The following RAB33A variants were observed in gnomAD, a reference collection of about 807,000 sequenced individuals.
The protein encoded by RAB33A is ras-related protein Rab-33A.
A neutral mutation model predicts 12.0 loss-of-function variants in RAB33A; 6 were observed. The ratio of observed to expected loss-of-function variants is 0.50; its 90% CI spans 0.27 to 0.99. RAB33A has a LOEUF of 0.99. Among genes scored for constraint, RAB33A ranks in the 50% least tolerant of loss-of-function variants. The pLI is 0.11. For missense variants in RAB33A, 109 were observed against 192.0 expected (o/e 0.57, Z 2.55); for synonymous variants, 70 against 82.4 (o/e 0.85, Z 0.81).
At chrX:130,153,464 T>G in the RAB33A span, among the ~76,000 whole-genome samples, 1 of 110,705 alleles carries the variant, frequency 9.0e-6, no homozygotes, top group Admixed American at 9.6e-5. Flanking sequence ...ATAGTTATAC[T>G]TAAGTTAGGA....
the RAB33A span, among the ~76,000 whole-genome samples, chrX:130,158,640 GGAA>G: frequency 2.0e-5 from 2 of 102,256 alleles, no homozygotes; most frequent in Admixed American, 1.1e-4. Flanking sequence ...GAGCCACATG[GGAA>G]GAAGAAGAAT....
the RAB33A span, among the ~76,000 whole-genome samples, chrX:130,120,649 C>A: frequency 3.6e-5 from 4 of 112,537 alleles, no homozygotes; most frequent in Middle Eastern, 4.2e-3. Context: ...GAACCAGCCC[C>A]CGACCTGGGG....
chrX:130,131,007 A>C, the RAB33A span, among the ~76,000 whole-genome samples: 3 of 112,651 alleles, frequency 2.7e-5, no homozygotes, highest in Admixed American at 1.9e-4. Context: ...TCTCCTTCTT[A>C]AACAGCACCT....
the RAB33A span, chrX:130,145,628 C>T: frequency 7.6e-6 from 7 of 922,245 alleles, no homozygotes; most frequent in Non-Finnish European, 3.1e-6. Context: ...CAGCTTCCCC[C>T]GTAGCTTTAA....
chrX:130,126,221 TG>T, the RAB33A span, among the ~76,000 whole-genome samples: 7 of 112,261 alleles, frequency 6.2e-5, no homozygotes, highest in Non-Finnish European at 1.3e-4. Context: ...TAGAGGCCAG[TG>T]GCTCATGCCT....
chrX:130,180,795 G>A (rs1188638009), intron 1 of RAB33A, among the ~76,000 whole-genome samples: 1 of 105,444 alleles, frequency 9.5e-6, no homozygotes, highest in South Asian at 4.5e-4. Context: ...GTTACCTAAG[G>A]TCAGGAGTTT....
chrX:130,129,184 CAA>C, the RAB33A span, among the ~76,000 whole-genome samples: 3 of 111,000 alleles, frequency 2.7e-5, no homozygotes, highest in Non-Finnish European at 3.8e-5. Context: ...CAGGTGTGTG[CAA>C]AGAGGTCTGG....
chrX:130,163,304 C>CAAA, the RAB33A span, among the ~76,000 whole-genome samples: 8 of 66,843 alleles, frequency 1.2e-4, no homozygotes, highest in Non-Finnish European at 1.8e-4. Context: ...GACTCCGCCT[C>CAAA]AAAAAAAAAA....
chrX:130,183,193 C>CCACT (rs1490101092), intron 1 of RAB33A, among the ~76,000 whole-genome samples: 1 of 108,283 alleles, frequency 9.2e-6, no homozygotes, highest in Non-Finnish European at 1.9e-5. Flanking sequence ...CAGGCATGAG[C>CCACT]CACTGTACCT....
At chrX:130,134,914 A>T in the RAB33A span, among the ~76,000 whole-genome samples, 3 of 111,698 alleles carry the variant, frequency 2.7e-5, no homozygotes, top group African/African-American at 9.8e-5. Context: ...AGTGGAAAAG[A>T]GCAGAATATT....
chrX:130,148,393 G>A, the RAB33A span, among the ~76,000 whole-genome samples: 1 of 111,726 alleles, frequency 9.0e-6, no homozygotes, highest in South Asian at 3.8e-4. Context: ...GATTAAAACA[G>A]TCCTCTCTGA....
At chrX:130,147,591 C>T in the RAB33A span, 55 of 1,211,972 alleles carry the variant, frequency 4.5e-5, no homozygotes, top group Non-Finnish European at 5.4e-5. Flanking sequence ...GTCGCATGTA[C>T]GGCAGCTCAG....
At chrX:130,148,922 C>CTTTTTT in the RAB33A span, among the ~76,000 whole-genome samples, 7 of 68,365 alleles carry the variant, frequency 1.0e-4, no homozygotes, top group Admixed American at 1.9e-4. Context: ...TTTTAAGAGA[C>CTTTTTT]TTTTTTTTTT....
the RAB33A span, among the ~76,000 whole-genome samples, chrX:130,161,223 C>A: frequency 9.0e-6 from 1 of 110,522 alleles, no homozygotes. Context: ...ATGGAGAAAA[C>A]ACAGGACAGC....
the RAB33A span, among the ~76,000 whole-genome samples, chrX:130,113,074 C>CTTT: frequency 2.3e-4 from 13 of 55,357 alleles, no homozygotes; most frequent in Non-Finnish European, 2.5e-4. Context: ...TTTTTTTTTC[C>CTTT]TTCTTTTTTT....
chrX:130,165,144 C>T, the RAB33A span, among the ~76,000 whole-genome samples: 2 of 107,923 alleles, frequency 1.9e-5, no homozygotes, highest in Non-Finnish European at 3.8e-5. Context: ...CAGATAACAC[C>T]CTCATTTACA....
upstream of RAB33A, among the ~76,000 whole-genome samples, chrX:130,170,917 T>C (rs2031597166): frequency 8.9e-6 from 1 of 112,807 alleles, no homozygotes; most frequent in South Asian, 3.6e-4. Context: ...CCCCTTTTGC[T>C]GGAACTGCCA....
At chrX:130,133,326 G>C in the RAB33A span, 1 of 1,211,272 alleles carries the variant, frequency 8.3e-7, no homozygotes. Context: ...AACATTGACT[G>C]ATGCCAGTAC....
the RAB33A span, among the ~76,000 whole-genome samples, chrX:130,138,261 C>G: frequency 1.8e-5 from 2 of 110,545 alleles, no homozygotes; most frequent in Non-Finnish European, 3.8e-5. Context: ...GTCAGGAGAT[C>G]GAGACAGTCC....
Sources: allele counts gnomAD v4.1 joint callset (sites outside exome capture counted in the v4.1 genomes callset), GRCh38; gene constraint gnomAD v4.1.1; transcripts MANE v1.5; gene names NCBI Gene and HGNC (gene_info 2026-07-23, HGNC 2026-07-21).